PSEN2: variants seen among roughly 807,000 people sequenced by gnomAD.
PSEN2 encodes presenilin 2, also known as presenilin-2.
A neutral mutation model predicts 49.1 loss-of-function variants in PSEN2; 32 were observed. That is an observed-to-expected ratio of 0.65 (90% CI 0.49 to 0.88). The LOEUF is 0.88. Ranked by LOEUF, PSEN2 falls within the 40% of genes least tolerant of loss-of-function variation. The pLI is 0.00. For missense variants in PSEN2, 522 were observed against 586.9 expected (o/e 0.89, Z 1.14); for synonymous variants, 255 against 244.0 (o/e 1.05, Z -0.42).
chr1:226,902,173 C>T (rs1447247054), intron 12 of PSEN2, among the ~76,000 whole-genome samples: 2 of 152,164 alleles, frequency 1.3e-5, no homozygotes, highest in Non-Finnish European at 2.9e-5. Context: ...ATTAGATTCT[C>T]ATGTGGAGTG....
intron 3 of PSEN2, among the ~76,000 whole-genome samples, chr1:226,879,105 C>G (rs554642690): frequency 7.2e-5 from 11 of 152,306 alleles, no homozygotes; most frequent in South Asian, 6.2e-4. Context: ...CTCCTGGGCT[C>G]AAGCGATCTG....
chr1:226,894,142 G>A lies in PSEN2; in HGVS notation c.1191+17G>A, dbSNP rs1340326074. ...ATCCTCATTGTGAGTGGCTGGGGATGCGTCCAGCTGCCTCGTGGTGGGGGC... is the reference window on the plus strand; with the variant it reads ...ATCCTCATTGTGAGTGGCTGGGGATACGTCCAGCTGCCTCGTGGTGGGGGC... On this transcript the variant is annotated intron_variant, in intron 12 of 12. Coordinates refer to ENST00000366783, the MANE Select transcript of PSEN2 (RefSeq NM_000447.3). The A allele has an allele frequency of 1.9e-6, 3 of 1,601,624 alleles. No individual in the cohort carries two copies. The highest frequency in any genetic ancestry group is 2.2e-5 in the East Asian group (1 of 44,790).
chr1:226,893,437 A>G (rs933438192), intron 11 of PSEN2, among the ~76,000 whole-genome samples: 2 of 152,216 alleles, frequency 1.3e-5, no homozygotes, highest in Non-Finnish European at 2.9e-5. Context: ...GTCTACAGTG[A>G]GCAAAGTTAT....
At chr1:226,897,633 G>A (rs1662195485), downstream of PSEN2, 1 of 155,208 alleles carries the variant, frequency 6.4e-6, no homozygotes, top group South Asian at 2.0e-4. Context: ...ATTCGAACAT[G>A]CCGAACAAGA....
downstream of PSEN2, among the ~76,000 whole-genome samples, chr1:226,897,052 C>T (rs1662174511): frequency 3.3e-5 from 5 of 152,092 alleles, no homozygotes; most frequent in African/African-American, 1.2e-4. Context: ...CAGAGGAGGC[C>T]GAACACTGGC....
In PSEN2 at chr1:226,874,500, TGCCTGGGGC is replaced by T. The variant is rs879434131; in HGVS notation, c.-206-864_-206-856del. Among the ~76,000 whole-genome samples the T allele has an allele frequency of 1.3e-3, 193 of 152,326 alleles. No individual in the cohort carries two copies. The Middle Eastern group carries it at 0.014, about 11-fold the overall frequency. On this transcript the variant is annotated intron_variant, in intron 2 of 12. Transcript: ENST00000366783. The stretch of plus-strand genomic sequence containing the variant: ...TGATAATATGTTTACGTGGCCATAG[TGCCTGGGGC>T]TGGGCCGGGAATGGAAACTTGATCT...
At chr1:226,880,633 G>A (rs570321339) in intron 3 of PSEN2, 2 of 1,612,634 alleles carry the variant, frequency 1.2e-6, no homozygotes, top group South Asian at 1.1e-5. Context: ...CTCAGCCTCT[G>A]TCCCCGTCTG....
Position 226,871,306 on chromosome 1 carries a change from C to T in PSEN2, c.-305C>T, listed in dbSNP as rs1386551562. The stretch of plus-strand genomic sequence containing the variant: ...GACAGCCAGAAGCAAGCTTTTGGAG[C>T]TGAAGGAACCTGAGACAGAAGCTAG... On this transcript the variant is annotated 5_prime_UTR_variant, in exon 2 of 13. Coordinates refer to ENST00000366783, the MANE Select transcript of PSEN2 (RefSeq NM_000447.3). 6.6e-6 allele frequency: 1 copy of T among 152,224 alleles called. No homozygotes were observed. The highest frequency in any genetic ancestry group is 1.5e-5 in the Non-Finnish European group (1 of 68,074). 9.4% of individuals were successfully genotyped at this position (152,224 alleles called of 1,614,324 possible).
At chr1:226,889,112 G>T in intron 8 of PSEN2, 63 bp downstream of exon 8, 1 of 1,466,896 alleles carries the variant, frequency 6.8e-7, no homozygotes, top group South Asian at 1.2e-5. Flanking sequence ...ATCGTCCCCA[G>T]TGCTGCACAA....
rs1348537252 is a variant in PSEN2, at chr1:226,895,546, G to A, written c.1314G>A (p.Met438Ile). The A allele has an allele frequency of 6.2e-7, 1 of 1,613,542 alleles. No individual in the cohort carries two copies. The highest frequency in any genetic ancestry group is 8.5e-7 in the Non-Finnish European group (1 of 1,179,774). The change falls in exon 13 of 13, where the codon ATG becomes ATA. Residue 438 changes from methionine to isoleucine, a missense_variant. Physicochemically the swap from Met to Ile is conservative, Grantham distance 10. Transcript: ENST00000366783. ...FSTDNLVRPF[M>I]DTLASHQLYI Reference sequence around the variant, plus strand: ...CGGACAACCTGGTGCGGCCGTTCATGGACACCCTGGCCTCCCATCAGCTCT... The same window carrying A: ...CGGACAACCTGGTGCGGCCGTTCATAGACACCCTGGCCTCCCATCAGCTCT...
chr1:226,888,233 C>A, intron 7 of PSEN2, 75 bp downstream of exon 7: 1 of 1,345,070 alleles, frequency 7.4e-7, no homozygotes, highest in Non-Finnish European at 1.1e-6. Flanking sequence ...GCATGAGGAC[C>A]TGGGCGGGGA....
At chr1:226,879,123 C>T (rs576501285) in intron 3 of PSEN2, among the ~76,000 whole-genome samples, 1 of 152,328 alleles carries the variant, frequency 6.6e-6, no homozygotes, top group South Asian at 2.1e-4. Flanking sequence ...CTGTCTGCCT[C>T]AGCCTCCCAA....
At chr1:226,883,940 G>C (rs751342739) in intron 5 of PSEN2, 21 bp downstream of exon 5, 15 of 1,284,602 alleles carry the variant, frequency 1.2e-5, no homozygotes, top group Non-Finnish European at 9.8e-6. Flanking sequence ...GGGCTGGGGG[G>C]AGCAGGGTGG....
downstream of PSEN2, among the ~76,000 whole-genome samples, chr1:226,897,138 G>A (rs1269480779): frequency 3.9e-5 from 6 of 152,292 alleles, no homozygotes; most frequent in Middle Eastern, 6.8e-3. Context: ...AAGCCACAGC[G>A]GGGAGCGGGT....
At chr1:226,876,375 C>T (rs1367525864) in intron 3 of PSEN2, among the ~76,000 whole-genome samples, 1 of 152,164 alleles carries the variant, frequency 6.6e-6, no homozygotes, top group East Asian at 1.9e-4. Flanking sequence ...AAAAAAGTTA[C>T]AGCCTTTGAG....
At chr1:226,892,461 CT>C (rs1661825347) in intron 11 of PSEN2, among the ~76,000 whole-genome samples, 1 of 152,158 alleles carries the variant, frequency 6.6e-6, no homozygotes, top group Admixed American at 6.5e-5. Context: ...CGGTGCCTGC[CT>C]AACACCCAAT....
intron 8 of PSEN2, among the ~76,000 whole-genome samples, chr1:226,889,783 G>A (rs921005868): frequency 6.6e-6 from 1 of 152,236 alleles, no homozygotes; most frequent in Admixed American, 6.5e-5. Flanking sequence ...GCTCAGAGAA[G>A]TGGGACTCCC....
At position 226,890,138 on chromosome 1, in the gene PSEN2, G is replaced by A; in HGVS notation, c.886+5G>A. 6.2e-7 allele frequency: 1 copy of A among 1,609,156 alleles called. No homozygotes were observed. The highest frequency in any genetic ancestry group is 2.2e-5 in the East Asian group (1 of 44,858). The stretch of plus-strand genomic sequence containing the variant: ...TCCCTGCCCTGATATACTCATGTGA[G>A]TGAGCCCCCCGTGCCTCTGCCTGAC... On this transcript the variant is annotated splice_donor_5th_base_variant and intron_variant, in intron 9 of 12. Coordinates refer to ENST00000366783, the MANE Select transcript of PSEN2 (RefSeq NM_000447.3).
At chr1:226,898,376 A>G (rs1179660318), downstream of PSEN2, 1 of 152,218 alleles carries the variant, frequency 6.6e-6, no homozygotes, top group Non-Finnish European at 1.5e-5. Context: ...TGAGCATCCC[A>G]TCACATTGTG....
Sources: allele counts gnomAD v4.1 joint callset (sites outside exome capture counted in the v4.1 genomes callset), GRCh38; gene constraint gnomAD v4.1.1; transcripts MANE v1.5; gene names NCBI Gene and HGNC (gene_info 2026-07-23, HGNC 2026-07-21).